SYMPK: variants seen among roughly 807,000 people sequenced by gnomAD.
The protein encoded by SYMPK is symplekin scaffold protein, also known as symplekin.
Under a neutral mutation model 136.4 loss-of-function variants are expected in SYMPK, and 49 were observed. The observed-to-expected ratio is 0.36, with a 90% CI of 0.29 to 0.46. The LOEUF is 0.46. Among genes scored for constraint, SYMPK ranks in the 20% least tolerant of loss-of-function variants. SYMPK has a pLI of 1.00. For missense variants in SYMPK, 1,365 were observed against 1,690.0 expected, an observed-to-expected ratio of 0.81 and a Z score of 3.37; for synonymous variants, 766 against 713.0, an observed-to-expected ratio of 1.07 and a Z score of -1.19.
intron 11 of SYMPK, among the ~76,000 whole-genome samples, chr19:45,832,000 C>T (rs528873014): frequency 6.6e-6 from 1 of 152,198 alleles, no homozygotes; most frequent in African/African-American, 2.4e-5. Context: ...TGCCAACATA[C>T]CTAGCTAATT....
chr19:45,837,614 C>T (rs1188566732), intron 10 of SYMPK, among the ~76,000 whole-genome samples: 1 of 77,682 alleles, frequency 1.3e-5, no homozygotes, highest in Non-Finnish European at 2.5e-5. Context: ...GAGACTCTGC[C>T]TCAAAAAAAA....
At chr19:45,852,592 C>A (rs879099354) in intron 3 of SYMPK, 57 bp from the exon 4 acceptor site, 1 of 1,596,960 alleles carries the variant, frequency 6.3e-7, no homozygotes, top group Non-Finnish European at 8.6e-7. Flanking sequence ...AGGGGCCAAT[C>A]AATGCAGACA....
At chr19:45,831,686 A>G (rs2146316209) in intron 11 of SYMPK, 98 bp from the exon 12 acceptor site, 1 of 1,010,912 alleles carries the variant, frequency 9.9e-7, no homozygotes, top group Non-Finnish European at 1.4e-6. Flanking sequence ...AGCCCTGTAC[A>G]CACAAAACCT....
intron 1 of SYMPK, among the ~76,000 whole-genome samples, chr19:45,859,139 A>C (rs1489834865): frequency 6.6e-6 from 1 of 152,156 alleles, no homozygotes; most frequent in African/African-American, 2.4e-5. Flanking sequence ...GGCACCTAGC[A>C]GGAGCTCAAT....
At position 45,821,508 on chromosome 19, in the gene SYMPK, T is replaced by TG. The variant is rs752217620; in HGVS notation, c.2792-24dup. On this transcript the variant is annotated intron_variant, in intron 21 of 26. Coordinates refer to ENST00000245934, the MANE Select transcript of SYMPK (RefSeq NM_004819.3). This position sits in a 1 kb window ranked among gnomAD's most constrained non-coding sequence, Gnocchi z 4.4. ...CACCTGCAGCAGGCGGGAGGAAGGG[T>TG]GGGGGAAGACAGTGCGGACGCATAA... 1.3e-6 allele frequency: 2 copies of TG among 1,560,538 alleles called. No individual in the cohort carries two copies. Among genetic ancestry groups the TG allele is most frequent in the South Asian group, 1.1e-5 (1 of 89,904 alleles).
chr19:45,839,347 C>CA (rs1253712443), intron 9 of SYMPK, among the ~76,000 whole-genome samples: 2 of 152,166 alleles, frequency 1.3e-5, no homozygotes, highest in Non-Finnish European at 2.9e-5. Context: ...AGGGCTGGGG[C>CA]AAGGACAGTA....
intron 17 of SYMPK, 47 bp downstream of exon 17, chr19:45,826,178 GC>G (rs779291513): frequency 6.4e-7 from 1 of 1,566,518 alleles, no homozygotes. Context: ...AGGGCCCAGA[GC>G]GCGGACACAG....
chr19:45,835,044 TCC>T (rs762375711), intron 11 of SYMPK, 32 bp downstream of exon 11: 4 of 1,455,254 alleles, frequency 2.7e-6, no homozygotes, highest in Non-Finnish European at 3.7e-6. Flanking sequence ...CAAGTGCCAA[TCC>T]CTGGCCCAGG....
Position 45,830,114 on chromosome 19 carries a change from C to T in SYMPK, c.1689G>A (p.Leu563=), listed in dbSNP as rs749939359. The T allele has an allele frequency of 5.3e-5, 84 of 1,590,266 alleles. No individual in the cohort carries two copies. The highest frequency in any genetic ancestry group is 6.9e-5 in the Non-Finnish European group (81 of 1,166,948). The change falls in exon 13 of 27, where the codon CTG becomes CTA. Residue 563 remains leucine (L), a synonymous_variant. Coordinates refer to ENST00000245934, the MANE Select transcript of SYMPK (RefSeq NM_004819.3). ...CCCGCAGGATCCGCTTCACAGCGCC[C>T]AGCTTCATGGCTTCCACCTGGGCAT... The part of the protein sequence containing the change: ...LTDAQVEAMK[L]GAVKRILRAE...
At chr19:45,831,360 C>T (rs370560725) in intron 12 of SYMPK, 24 bp downstream of exon 12, 19 of 1,508,650 alleles carry the variant, frequency 1.3e-5, no homozygotes, top group Non-Finnish European at 1.7e-5. Context: ...CCTGTCCTGC[C>T]CTAGCACCCA....
chr19:45,860,127 T>C (rs530749639), intron 1 of SYMPK, among the ~76,000 whole-genome samples: 61 of 142,580 alleles, frequency 4.3e-4, no homozygotes, highest in African/African-American at 1.4e-3. Context: ...TGAACCTGTT[T>C]CCAAAAAAAA....
chr19:45,838,483 G>A lies in SYMPK; in HGVS notation c.1220C>T (p.Thr407Met), dbSNP rs758139903. 16 of 1,613,852 alleles carry A rather than the reference G, an allele frequency of 9.9e-6. No homozygotes were observed. The highest frequency in any genetic ancestry group is 2.2e-5 in the East Asian group (1 of 44,876). Residue 407 changes from threonine (T) to methionine (M), a missense_variant, in exon 10 of 27, where the codon ACG (threonine) becomes ATG (methionine). Transcript: ENST00000245934. The stretch of plus-strand genomic sequence containing the variant: ...CACCAGATTAGCCACATTATCAGGC[G>A]TCAGCAGAGGCTGCAGGAACTCAGC... ...ITAEFLQPLL[T>M]PDNVANLVLI... is the part of the protein sequence containing the mutation.
chr19:45,838,300 T>A (rs1284166287), intron 10 of SYMPK, among the ~76,000 whole-genome samples, 161 bp downstream of exon 10: 1 of 152,068 alleles, frequency 6.6e-6, no homozygotes, highest in African/African-American at 2.4e-5. Context: ...GCACCACGCT[T>A]CCTATACAGC....
chr19:45,838,784 G>A (rs961523476), intron 9 of SYMPK, among the ~76,000 whole-genome samples, 169 bp from the exon 10 acceptor site: 8 of 152,164 alleles, frequency 5.3e-5, no homozygotes, highest in Admixed American at 2.0e-4. Context: ...ACCACTTTAT[G>A]ACCCTGGGCA....
intron 18 of SYMPK, 58 bp downstream of exon 18, chr19:45,825,113 G>A: frequency 3.8e-6 from 6 of 1,574,372 alleles, no homozygotes; most frequent in Non-Finnish European, 5.2e-6. Flanking sequence ...AAGAGCTGGA[G>A]CTGGGGACAC....
Position 45,816,022 on chromosome 19 carries a change from G to T in SYMPK, c.3516C>A (p.Pro1172=). The change falls in exon 26 of 27, where the codon CCC becomes CCA. Residue 1172 remains proline (P), a synonymous_variant. Transcript: ENST00000245934. ...GGVGAPSSSS[P]SPSPSARPGP... ...CTGGCCGGGCCGACGGAGAGGGAGA[G>T]GGGGAGGAAGAGGAGGGGGCTCCCA... 3 of 1,592,106 alleles carry T rather than the reference G, an allele frequency of 1.9e-6. No homozygotes were observed. The highest frequency in any genetic ancestry group is 2.3e-5 in the South Asian group (2 of 88,234).
At chr19:45,830,323 G>T in intron 12 of SYMPK, 119 bp from the exon 13 acceptor site, 1 of 1,145,600 alleles carries the variant, frequency 8.7e-7, no homozygotes, top group Non-Finnish European at 1.2e-6. Context: ...TCCCCCTGCT[G>T]CCTCTCCAGT....
chr19:45,824,410 A>G (rs1206646766), intron 18 of SYMPK, among the ~76,000 whole-genome samples: 2 of 152,114 alleles, frequency 1.3e-5, no homozygotes, highest in Non-Finnish European at 2.9e-5. Context: ...GCCCTGCCAG[A>G]TAACTTTTCT....
rs1971501586 is a variant in SYMPK at position 45,843,938 on chromosome 19, GTC to G, written c.847+90_847+91del. ...CAGCCTGGTGACAGAGCGAGACTCTGTCTCAAAAAAAAAAAAAAAAAAAAAAA... is the reference window on the plus strand; with the variant it reads ...CAGCCTGGTGACAGAGCGAGACTCTGTCAAAAAAAAAAAAAAAAAAAAAAA... On this transcript the variant is annotated intron_variant, in intron 8 of 26. Transcript: ENST00000245934. The G allele has an allele frequency of 1.6e-5, 15 of 964,852 alleles. No homozygotes were observed. In the South Asian group the frequency reaches 4.0e-4, roughly 26 times the overall value. 59.8% of individuals were successfully genotyped at this position (964,852 alleles called of 1,614,324 possible).
Sources: allele counts gnomAD v4.1 joint callset (sites outside exome capture counted in the v4.1 genomes callset), GRCh38; gene constraint gnomAD v4.1.1; non-coding constraint Gnocchi (gnomAD v3.1); transcripts MANE v1.5; gene names NCBI Gene and HGNC (gene_info 2026-07-23, HGNC 2026-07-21).